Variants in LVRN observed in about 807,000 individuals in gnomAD.
LVRN encodes the protein aminopeptidase Q.
In LVRN, 99 loss-of-function variants were observed where a neutral mutation model predicts 111.4. The ratio of observed to expected loss-of-function variants is 0.89; its 90% CI spans 0.76 to 1.05. LVRN has a LOEUF of 1.05. LVRN is among the 50% of genes least tolerant of loss of function. LVRN has a pLI of 0.00. For synonymous variants in LVRN, 488 were observed against 449.5 expected, an observed-to-expected ratio of 1.09 and a Z score of -1.08; for missense variants, 1,414 against 1,206.8, an observed-to-expected ratio of 1.17 and a Z score of -2.54.
At chr5:116,010,679 A>G (rs1209709864) in intron 13 of LVRN, 62 bp from the exon 14 acceptor site, 14 of 1,519,422 alleles carry the variant, frequency 9.2e-6, no homozygotes, top group African/African-American at 1.4e-5. Flanking sequence ...CAAATATCGA[A>G]CGTATGCAAA....
chr5:116,018,488 C>T (rs1039313181), intron 18 of LVRN, among the ~76,000 whole-genome samples: 36 of 152,134 alleles, frequency 2.4e-4, no homozygotes, highest in East Asian at 5.8e-4. Context: ...GCCTGACCAA[C>T]GTGGAGAAAC....
intron 6 of LVRN, among the ~76,000 whole-genome samples, chr5:115,997,243 C>G (rs1361901099): frequency 6.6e-6 from 1 of 152,150 alleles, no homozygotes; most frequent in African/African-American, 2.4e-5. Flanking sequence ...TGATGAGTCA[C>G]ATAACTCCTA....
rs1313175460 is a variant in LVRN at position 116,000,972 on chromosome 5, G to A, written c.1648-95G>A. ...ACTGCAGGACTACTACATAAGTGAGGAAGAGAATAGCTACCGAGTTTCTTT... is the reference window on the plus strand; with the variant it reads ...ACTGCAGGACTACTACATAAGTGAGAAAGAGAATAGCTACCGAGTTTCTTT... On this transcript the variant is annotated intron_variant, in intron 9 of 19. Coordinates refer to ENST00000357872, the MANE Select transcript of LVRN (RefSeq NM_173800.5). 1.0e-4 allele frequency: 141 copies of A among 1,379,958 alleles called. 1 individual carries two copies. In the East Asian group the frequency reaches 3.2e-3, roughly 31 times the overall value. The allele number at this position is 1,379,958 out of a possible 1,614,324, so 85.5% of individuals were successfully genotyped here.
In LVRN at chr5:115,970,294, G is replaced by A. The variant is rs10067996; in HGVS notation, c.695+6982G>A. Among the ~76,000 whole-genome samples, 256 of 151,242 alleles carry A rather than the reference G, an allele frequency of 1.7e-3. 1 individual carries two copies. The highest frequency in any genetic ancestry group is 5.7e-3 in the African/African-American group (233 of 41,150). ...ATCTGCTTTCTGTAGATTAATTTGC[G>A]TTTTGTAGTGTTTTATATGAATAAA... On this transcript the variant is annotated intron_variant, in intron 1 of 19. Transcript: ENST00000357872.
At chr5:115,980,793 C>T (rs192452126) in intron 1 of LVRN, among the ~76,000 whole-genome samples, 65 of 152,122 alleles carry the variant, frequency 4.3e-4, no homozygotes, top group African/African-American at 1.4e-3. Flanking sequence ...TAATATGCCA[C>T]CAGTTGTACA....
At position 116,010,877 on chromosome 5, in the gene LVRN, A is replaced by G. The variant is rs1748475189; in HGVS notation, c.2230A>G (p.Ile744Val). 1.3e-6 allele frequency: 2 copies of G among 1,588,416 alleles called. No homozygotes were observed. The highest frequency in any genetic ancestry group is 1.4e-5 in the African/African-American group (1 of 73,704). ...TGTTTCTGAGGTGAACATCTATGAT[A>G]TATACTCATTATTAAAGGTAATTTC... Reference protein sequence around the residue: ...DLVSEVNIYDIYSLLKRYLLK... With the variant: ...DLVSEVNIYDVYSLLKRYLLK... Residue 744 changes from isoleucine to valine, a missense_variant, in exon 14 of 20, where the codon ATA (isoleucine) becomes GTA (valine). By Grantham distance (29) the Ile-to-Val change is conservative (BLOSUM62 3). Coordinates refer to ENST00000357872, the MANE Select transcript of LVRN (RefSeq NM_173800.5).
At chr5:115,986,859 T>G (rs1158539029) in intron 3 of LVRN, among the ~76,000 whole-genome samples, 1 of 152,214 alleles carries the variant, frequency 6.6e-6, no homozygotes, top group Non-Finnish European at 1.5e-5. Flanking sequence ...CTGTGATTCT[T>G]TCATTTCCTT....
intron 18 of LVRN, 138 bp downstream of exon 18, chr5:116,015,903 A>G (rs952733726): frequency 7.4e-6 from 8 of 1,077,122 alleles, no homozygotes; most frequent in Middle Eastern, 2.2e-4. Context: ...AAAAGTTATC[A>G]TTTTTCCTTT....
chr5:115,997,518 G>T (rs34555083), intron 6 of LVRN, among the ~76,000 whole-genome samples: 19 of 151,608 alleles, frequency 1.3e-4, no homozygotes, highest in African/African-American at 4.1e-4. Context: ...TTTTTAATTA[G>T]CAGGGCATGG....
chr5:115,981,177 T>C (rs1753552469), intron 1 of LVRN, among the ~76,000 whole-genome samples: 1 of 152,182 alleles, frequency 6.6e-6, no homozygotes, highest in South Asian at 2.1e-4. Flanking sequence ...ATAAAACAAA[T>C]GCCATTATAA....
intron 3 of LVRN, among the ~76,000 whole-genome samples, chr5:115,987,249 T>C (rs1197053215): frequency 6.6e-6 from 1 of 152,196 alleles, no homozygotes; most frequent in Non-Finnish European, 1.5e-5. Flanking sequence ...ATAATTCACT[T>C]GCTTTGACAG....
intron 13 of LVRN, among the ~76,000 whole-genome samples, chr5:116,007,783 A>C (rs951237188): frequency 1.3e-5 from 2 of 152,226 alleles, no homozygotes; most frequent in Non-Finnish European, 2.9e-5. Context: ...ATTTTCCAGC[A>C]GCATGTGCTC....
chr5:115,965,782 C>T lies in LVRN; in HGVS notation c.695+2470C>T, dbSNP rs532361968. On this transcript the variant is annotated intron_variant, in intron 1 of 19. Transcript: ENST00000357872. ...GTCTTGCTGCCCTGTGAAGAAAGTA[C>T]CTTTCTTCCCCTTTCTTCCCCTTCA... Among the ~76,000 whole-genome samples the T allele has an allele frequency of 2.6e-5, 4 of 151,934 alleles. No individual in the cohort carries two copies. The East Asian group carries it at 8.0e-4, about 30-fold the overall frequency.
rs760346178 is a variant in LVRN, at chr5:116,014,498, C to T, written c.2421C>T (p.Phe807=). The T allele has an allele frequency of 1.3e-5, 21 of 1,613,326 alleles. No individual in the cohort carries two copies. The highest frequency in any genetic ancestry group is 1.6e-4 in the Middle Eastern group (1 of 6,084). Residue 807 remains phenylalanine (F), a synonymous_variant, in exon 16 of 20, where the codon TTC becomes TTT. Coordinates refer to ENST00000357872, the MANE Select transcript of LVRN (RefSeq NM_173800.5). The part of the protein sequence containing the change: ...EDCLQLSKEL[F]AKWVDHPENE... ...GCCTTCAGCTGTCAAAAGAACTTTT[C>T]GCAAAATGGGTGGATCATCCAGAAA...
chr5:115,987,104 C>G (rs1488110363), intron 3 of LVRN, among the ~76,000 whole-genome samples: 1 of 151,828 alleles, frequency 6.6e-6, no homozygotes, highest in Non-Finnish European at 1.5e-5. Context: ...TAGGATATTA[C>G]TCACAAAATC....
rs114527249 is a variant in LVRN at position 116,005,304 on chromosome 5, C to A, written c.2038-608C>A. On this transcript the variant is annotated intron_variant, in intron 12 of 19. Transcript: ENST00000357872. Reference sequence around the variant, plus strand: ...AGGTATGATGTAGGAGGCCTTGGGCCCCCTTAGGGACTGAGCTGACAGCAG... The same window carrying A: ...AGGTATGATGTAGGAGGCCTTGGGCACCCTTAGGGACTGAGCTGACAGCAG... Among the ~76,000 whole-genome samples the A allele has an allele frequency of 5.0e-3, 760 of 152,260 alleles. 5 individuals are homozygous for A. The highest frequency in any genetic ancestry group is 0.017 in the African/African-American group (724 of 41,556).
intron 4 of LVRN, 40 bp downstream of exon 4, chr5:115,987,979 T>C (rs779277016): frequency 6.3e-7 from 1 of 1,592,234 alleles, no homozygotes; most frequent in Non-Finnish European, 8.5e-7. Context: ...TGGTTTCCTG[T>C]TATTTGGGCC....
chr5:116,019,211 CA>C (rs535943849), intron 18 of LVRN, among the ~76,000 whole-genome samples: 222 of 152,296 alleles, frequency 1.5e-3, no homozygotes, highest in African/African-American at 4.1e-3. Flanking sequence ...TGTATTTAAA[CA>C]TATCTAAACA....
At chr5:115,989,551 G>A (rs556264646) in intron 4 of LVRN, among the ~76,000 whole-genome samples, 3 of 152,180 alleles carry the variant, frequency 2.0e-5, no homozygotes, top group South Asian at 2.1e-4. Flanking sequence ...ATTAGACCTC[G>A]GAGTTAGGAT....
Sources: gnomAD v4.1 joint callset for allele counts (sites outside exome capture counted in the v4.1 genomes callset) on GRCh38, gnomAD v4.1.1 for gene constraint, MANE v1.5 for transcripts, NCBI Gene and HGNC (gene_info 2026-07-23, HGNC 2026-07-21) for gene names.